CPLANE1: variants seen among roughly 807,000 people sequenced by gnomAD.
CPLANE1 encodes ciliogenesis and planar polarity effector 1.
A neutral mutation model predicts 362.5 loss-of-function variants in CPLANE1; 263 were observed. The observed-to-expected ratio is 0.73, with a 90% CI of 0.66 to 0.80. The LOEUF (loss-of-function observed/expected upper bound fraction) is 0.80, where lower values mean the gene tolerates loss of function less well. Ranked by LOEUF, CPLANE1 falls within the 30% of genes least tolerant of loss-of-function variation. The pLI is 0.00. For synonymous variants in CPLANE1, 1,212 were observed against 1,302.6 expected, an observed-to-expected ratio of 0.93 and a Z score of 1.50; for missense variants, 3,461 against 3,793.4, an observed-to-expected ratio of 0.91 and a Z score of 2.30.
intron 15 of CPLANE1, among the ~76,000 whole-genome samples, chr5:37,216,804 A>G (rs779329683): frequency 7.9e-5 from 12 of 152,228 alleles, no homozygotes; most frequent in Admixed American, 4.6e-4. Flanking sequence ...GTATGGCTCC[A>G]ACAATAGAAA....
intron 47 of CPLANE1, 98 bp downstream of exon 47, chr5:37,125,132 TATGCCAAATTACAA>T: frequency 7.1e-7 from 1 of 1,405,398 alleles, no homozygotes; most frequent in South Asian, 1.5e-5. Flanking sequence ...TACTTTTCTA[TATGCCAAATTACAA>T]ATGTATCCAA....
At chr5:37,168,125 C>T (rs1778798241) in intron 34 of CPLANE1, among the ~76,000 whole-genome samples, 1 of 152,144 alleles carries the variant, frequency 6.6e-6, no homozygotes. Flanking sequence ...AAACTAGAGC[C>T]TAAACCATTT....
chr5:37,233,807 T>C (rs1416609643), intron 8 of CPLANE1, among the ~76,000 whole-genome samples: 1 of 152,008 alleles, frequency 6.6e-6, no homozygotes, highest in Non-Finnish European at 1.5e-5. Context: ...CCAGGGCCAG[T>C]ATAAGGTGGT....
At position 37,120,336 on chromosome 5, in the gene CPLANE1, T is replaced by G; in HGVS notation, c.9190A>C (p.Asn3064His). ...ATTAGAAAACTGTGACCATGTTGAT[T>G]CTCTCTATAGTAGAAATCACATAAT... is the stretch of plus-strand genomic sequence containing the variant. ...CQHCPSPRGE[N>H]QHGHSFLINR... The change falls in exon 50 of 53, where the codon AAT becomes CAT. Residue 3064 changes from asparagine to histidine, a missense_variant. Coordinates refer to ENST00000651892, the MANE Select transcript of CPLANE1 (RefSeq NM_001384732.1). 6.3e-7 allele frequency: 1 copy of G among 1,580,904 alleles called. No homozygotes were observed. The highest frequency in any genetic ancestry group is 8.6e-7 in the Non-Finnish European group (1 of 1,168,228).
In CPLANE1 at chr5:37,226,448, C is replaced by A. The variant is rs1796490262; in HGVS notation, c.2147G>T (p.Gly716Val). The A allele has an allele frequency of 1.3e-6, 2 of 1,551,008 alleles. No individual in the cohort carries two copies. Among genetic ancestry groups the A allele is most frequent in the Non-Finnish European group, 1.7e-6 (2 of 1,146,708 alleles). The change falls in exon 12 of 53, where the codon GGA becomes GTA. Residue 716 changes from glycine to valine, a missense_variant. This residue lies in a region of CPLANE1 where 3,380 missense variants were observed against 3,666.1 expected (regional missense o/e 0.92). Coordinates refer to ENST00000651892, the MANE Select transcript of CPLANE1 (RefSeq NM_001384732.1). The part of the protein sequence containing the change: ...QPEVISASAD[G>V]SKITAQDSLV... ...TGAGTCTTGAGCTGTTATTTTACTT[C>A]CATCAGCTGATGCTGAAATAACTTC...
At chr5:37,077,480 T>G in the CPLANE1 span, among the ~76,000 whole-genome samples, 1 of 152,184 alleles carries the variant, frequency 6.6e-6, no homozygotes, top group African/African-American at 2.4e-5. Context: ...TTTCCAATTC[T>G]CTTTGTTTGC....
intron 22 of CPLANE1, 46 bp downstream of exon 22, chr5:37,187,687 C>G: frequency 6.4e-7 from 1 of 1,560,210 alleles, no homozygotes; most frequent in South Asian, 1.2e-5. Context: ...CAATAATTTC[C>G]CACTTAACGT....
chr5:37,226,544 TTC>T lies in CPLANE1; in HGVS notation c.2049_2050del (p.Lys684ThrfsTer13). ...GAGTAAATAAAAACAAGCTAAAAGT[TTC>T]TCTGAGAATAACTGACCCTTTTGTT... On this transcript the variant is annotated frameshift_variant, in exon 12 of 53. Coordinates refer to ENST00000651892, the MANE Select transcript of CPLANE1 (RefSeq NM_001384732.1). The T allele has an allele frequency of 6.5e-7, 1 of 1,548,950 alleles. No individual in the cohort carries two copies. Among genetic ancestry groups the T allele is most frequent in the South Asian group, 1.2e-5 (1 of 83,360 alleles).
intron 16 of CPLANE1, among the ~76,000 whole-genome samples, chr5:37,208,388 G>A (rs188802231): frequency 6.6e-6 from 1 of 152,182 alleles, no homozygotes; most frequent in African/African-American, 2.4e-5. Context: ...TTAAGAGTTC[G>A]GCTTAGAGGC....
chr5:37,189,678 T>A (rs528934491), intron 21 of CPLANE1, among the ~76,000 whole-genome samples: 1 of 152,282 alleles, frequency 6.6e-6, no homozygotes, highest in African/African-American at 2.4e-5. Context: ...ATCATCTTTT[T>A]AAAATAGAAT....
chr5:37,184,759 T>C (rs1210523537), intron 25 of CPLANE1, 29 bp downstream of exon 25: 1 of 1,573,262 alleles, frequency 6.4e-7, no homozygotes, highest in Non-Finnish European at 8.6e-7. Flanking sequence ...AGGAAGTGAA[T>C]GCCAGTGATT....
In CPLANE1 at chr5:37,125,280, C is replaced by A. The variant is rs370013757; in HGVS notation, c.8922G>T (p.Gly2974=). 1.1e-4 allele frequency: 179 copies of A among 1,613,816 alleles called. No homozygotes were observed. The highest frequency in any genetic ancestry group is 1.4e-4 in the Non-Finnish European group (163 of 1,179,962). The change falls in exon 47 of 53, where the codon GGG becomes GGT. Residue 2974 remains glycine, a synonymous_variant. Coordinates refer to ENST00000651892, the MANE Select transcript of CPLANE1 (RefSeq NM_001384732.1). ...KYLNELAEKR[G]QEHDPFCPRS... is the part of the protein sequence containing the mutation. ...TGGGACAGAAAGGATCATGTTCTTG[C>A]CCTCTCTTTTCTGCCAGCTCATTTA...
chr5:37,115,115 T>G, intron 50 of CPLANE1, 66 bp from the exon 51 acceptor site: 1 of 1,042,974 alleles, frequency 9.6e-7, no homozygotes, highest in Non-Finnish European at 1.5e-6. Flanking sequence ...ATATTGTGAG[T>G]TATTTGAGGA....
At chr5:37,211,149 C>G (rs1191689704) in intron 16 of CPLANE1, 1 of 1,225,436 alleles carries the variant, frequency 8.2e-7, no homozygotes, top group African/African-American at 1.5e-5. Context: ...TCCTTTTAAA[C>G]AGGAAAAAGT....
rs781687730 is a variant in CPLANE1 at position 37,158,331 on chromosome 5, T to C, written c.7705A>G (p.Thr2569Ala). The change falls in exon 39 of 53, where the codon ACT (threonine) becomes GCT (alanine). Residue 2569 changes from threonine to alanine, a missense_variant. Around this residue, in one of 2 missense-constraint regions of CPLANE1, gnomAD observed 3,380 missense variants for 3,666.1 expected, o/e 0.92. Transcript: ENST00000651892. ...TNTDPEHEPL[T>A]APQLLVPDVY... ...TCTGGGACCAAGAGCTGAGGAGCAG[T>C]CAAAGGCTCATGTTCTGAAAATTAA... 21 of 1,613,084 alleles carry C rather than the reference T, an allele frequency of 1.3e-5. No individual in the cohort carries two copies. The South Asian group carries it at 2.3e-4, about 18-fold the overall frequency.
chr5:37,243,803 T>C (rs1387433070), intron 5 of CPLANE1, among the ~76,000 whole-genome samples: 3 of 147,140 alleles, frequency 2.0e-5, no homozygotes, highest in African/African-American at 4.9e-5. Context: ...TACCATATAA[T>C]ATATAATATA....
At chr5:37,230,027 T>C (rs920174740) in intron 9 of CPLANE1, among the ~76,000 whole-genome samples, 1 of 151,694 alleles carries the variant, frequency 6.6e-6, no homozygotes, top group African/African-American at 2.4e-5. Context: ...AAATACAAAA[T>C]TAGCCAGGCA....
At chr5:37,137,211 TCTAGGA>T (rs1767984715) in intron 46 of CPLANE1, among the ~76,000 whole-genome samples, 1 of 152,194 alleles carries the variant, frequency 6.6e-6, no homozygotes, top group African/African-American at 2.4e-5. Context: ...TCCACAAATC[TCTAGGA>T]CAGAGGCAAA....
At chr5:37,134,453 C>G (rs866044692) in intron 46 of CPLANE1, among the ~76,000 whole-genome samples, 1 of 152,266 alleles carries the variant, frequency 6.6e-6, no homozygotes, top group Middle Eastern at 3.4e-3. Context: ...CTCTGAGGAT[C>G]TTTTGTATTT....
Sources: allele counts gnomAD v4.1 joint callset (sites outside exome capture counted in the v4.1 genomes callset), GRCh38; gene constraint gnomAD v4.1.1; regional missense constraint gnomAD v4.1.1; transcripts MANE v1.5; gene names NCBI Gene and HGNC (gene_info 2026-07-23, HGNC 2026-07-21).